Variants in TSHZ2 observed in about 807,000 individuals in gnomAD.
TSHZ2 encodes the protein teashirt zinc finger homeobox 2.
TSHZ2 carries 21 observed loss-of-function variants against 74.4 expected under a neutral mutation model. The ratio of observed to expected loss-of-function variants is 0.28; its 90% CI spans 0.20 to 0.41. The LOEUF (loss-of-function observed/expected upper bound fraction) is 0.41. Ranked by LOEUF, TSHZ2 falls within the 10% of genes least tolerant of loss-of-function variation. The pLI, the probability that TSHZ2 is intolerant of heterozygous loss-of-function variation, is 1.00. For synonymous variants in TSHZ2, 540 were observed against 515.3 expected (o/e 1.05, Z -0.65); for missense variants, 1,244 against 1,293.5 (o/e 0.96, Z 0.59).
intron 1 of TSHZ2, among the ~76,000 whole-genome samples, chr20:53,115,636 A>T (rs1306952282): frequency 6.6e-6 from 1 of 152,170 alleles, no homozygotes; most frequent in Non-Finnish European, 1.5e-5. Flanking sequence ...AATAAATGAC[A>T]CAGAGCAAAG....
intron 2 of TSHZ2, among the ~76,000 whole-genome samples, chr20:53,286,886 T>TACAC (rs71194467): frequency 0.017 from 2,405 of 139,506 alleles, 31 homozygotes; most frequent in African/African-American, 0.025. Context: ...GTCTCAAAAA[T>TACAC]ACACACACAC....
At chr20:53,266,030 T>G (rs556246315) in intron 2 of TSHZ2, among the ~76,000 whole-genome samples, 1 of 152,288 alleles carries the variant, frequency 6.6e-6, no homozygotes, top group Admixed American at 6.5e-5. Flanking sequence ...CACTTTAGAC[T>G]GAGGCTCGAG....
intron 1 of TSHZ2, among the ~76,000 whole-genome samples, chr20:53,029,537 G>A (rs762921499): frequency 6.6e-6 from 1 of 152,144 alleles, no homozygotes; most frequent in Non-Finnish European, 1.5e-5. Context: ...TTAGCTGGGC[G>A]TGGAGGCACG....
chr20:53,409,215 T>A (rs563795411), intron 2 of TSHZ2, among the ~76,000 whole-genome samples: 7 of 151,952 alleles, frequency 4.6e-5, no homozygotes, highest in African/African-American at 1.7e-4. Context: ...ATGGCATTTA[T>A]GTTAAATCAA....
chr20:53,018,051 A>G (rs544601654), intron 1 of TSHZ2, among the ~76,000 whole-genome samples: 3 of 152,302 alleles, frequency 2.0e-5, no homozygotes, highest in African/African-American at 7.2e-5. Context: ...AAAACATCAC[A>G]TTCAAACTGG....
intron 1 of TSHZ2, among the ~76,000 whole-genome samples, chr20:53,035,044 A>G (rs6013610): frequency 0.74 from 112,751 of 152,122 alleles, 43,162 homozygotes; most frequent in East Asian, 0.97. Flanking sequence ...AGAGGATGGC[A>G]GTGGTGAGGG....
intron 1 of TSHZ2, among the ~76,000 whole-genome samples, chr20:53,006,176 T>A (rs758473238): frequency 6.6e-6 from 1 of 152,222 alleles, no homozygotes; most frequent in Non-Finnish European, 1.5e-5. Flanking sequence ...GTTGATCTGT[T>A]CCCAGACAGA....
intron 2 of TSHZ2, among the ~76,000 whole-genome samples, chr20:53,406,779 G>A (rs539777351): frequency 5.3e-5 from 8 of 152,264 alleles, no homozygotes; most frequent in African/African-American, 1.7e-4. Context: ...AAAACATGGC[G>A]TGGGGATTGG....
intron 2 of TSHZ2, among the ~76,000 whole-genome samples, chr20:53,299,639 T>C (rs1991442889): frequency 6.6e-6 from 1 of 152,268 alleles, no homozygotes; most frequent in South Asian, 2.1e-4. Context: ...TCACCATATG[T>C]ACAGAGCTCC....
At chr20:53,176,497 C>T (rs2801009) in intron 1 of TSHZ2, among the ~76,000 whole-genome samples, 29,389 of 151,928 alleles carry the variant, frequency 0.19, 2,977 homozygotes, top group East Asian at 0.28. Context: ...ACCAAGGGGA[C>T]GTGACTGAGG....
intron 1 of TSHZ2, among the ~76,000 whole-genome samples, chr20:53,177,792 C>G (rs1293389): frequency 0.52 from 79,112 of 151,996 alleles, 22,129 homozygotes; most frequent in African/African-American, 0.73. Flanking sequence ...CCTAGGTGCT[C>G]TCCCTACAGT....
chr20:53,048,524 T>C (rs932244056), intron 1 of TSHZ2, among the ~76,000 whole-genome samples: 1 of 152,144 alleles, frequency 6.6e-6, no homozygotes, highest in Non-Finnish European at 1.5e-5. Flanking sequence ...ACCCTCCTCC[T>C]GATCAAGGGT....
intron 2 of TSHZ2, among the ~76,000 whole-genome samples, chr20:53,288,059 A>G (rs936063494): frequency 6.6e-6 from 1 of 152,176 alleles, no homozygotes; most frequent in African/African-American, 2.4e-5. Context: ...ACCTAATGTA[A>G]AAATCTGCCT....
rs1383229911 is a variant in TSHZ2, at chr20:53,426,164, C to T, written c.*9-60980C>T. 5.9e-5 allele frequency among the ~76,000 whole-genome samples: 9 copies of T among 152,132 alleles called. No individual in the cohort carries two copies. The East Asian group carries it at 1.2e-3, about 20-fold the overall frequency. Reference sequence around the variant, plus strand: ...TATGACTTCATGAAAGGGTTGTTTACGGTAGGAAGTAACCAATGATTTTGA... The same window carrying T: ...TATGACTTCATGAAAGGGTTGTTTATGGTAGGAAGTAACCAATGATTTTGA... On this transcript the variant is annotated intron_variant, in intron 2 of 2. Transcript: ENST00000371497.
intron 2 of TSHZ2, among the ~76,000 whole-genome samples, chr20:53,336,108 A>G (rs1979938870): frequency 6.6e-6 from 1 of 152,222 alleles, no homozygotes. Flanking sequence ...GTAAAATGCA[A>G]GCATATGGAA....
intron 2 of TSHZ2, among the ~76,000 whole-genome samples, chr20:53,421,831 C>T (rs1208910785): frequency 2.0e-5 from 3 of 151,726 alleles, no homozygotes; most frequent in Non-Finnish European, 2.9e-5. Context: ...TACAGGCGCC[C>T]GCCACCATGC....
chr20:53,071,225 C>T (rs1985164690), intron 1 of TSHZ2, among the ~76,000 whole-genome samples: 1 of 152,152 alleles, frequency 6.6e-6, no homozygotes, highest in South Asian at 2.1e-4. Context: ...AGCTTTCTCC[C>T]CTCTAGTTCT....
chr20:53,127,859 G>A (rs1459090589), intron 1 of TSHZ2, among the ~76,000 whole-genome samples: 4 of 152,210 alleles, frequency 2.6e-5, no homozygotes, highest in African/African-American at 9.7e-5. Flanking sequence ...ACCCTGACTT[G>A]CTGGATCCAA....
At chr20:53,179,782 A>T (rs1472027718) in intron 1 of TSHZ2, among the ~76,000 whole-genome samples, 1 of 152,198 alleles carries the variant, frequency 6.6e-6, no homozygotes, top group African/African-American at 2.4e-5. Context: ...ATTTAAGTTC[A>T]AACTAAAGCG....
Sources: gnomAD v4.1 joint callset for allele counts (sites outside exome capture counted in the v4.1 genomes callset) on GRCh38, gnomAD v4.1.1 for gene constraint, MANE v1.5 for transcripts, NCBI Gene and HGNC (gene_info 2026-07-23, HGNC 2026-07-21) for gene names.